Variants in RFX8 observed in about 807,000 individuals in gnomAD.
RFX8 encodes regulatory factor X8, also known as DNA-binding protein RFX8.
RFX8 carries 46 observed loss-of-function variants against 54.6 expected under a neutral mutation model. The observed-to-expected ratio is 0.84, with a 90% CI of 0.67 to 1.08. The LOEUF (loss-of-function observed/expected upper bound fraction) is 1.08, where lower values mean the gene tolerates loss of function less well. Ranked by LOEUF, RFX8 falls within the 50% of genes least tolerant of loss-of-function variation. RFX8 has a pLI of 0.00. For synonymous variants in RFX8, 192 were observed against 209.5 expected (o/e 0.92, Z 0.72); for missense variants, 536 against 562.3 (o/e 0.95, Z 0.47).
chr2:101,412,641 A>G (rs1196400086), intron 8 of RFX8, among the ~76,000 whole-genome samples: 1 of 152,186 alleles, frequency 6.6e-6, no homozygotes, highest in Non-Finnish European at 1.5e-5. Flanking sequence ...GTCAAGCAGC[A>G]AGCACACTCA....
At chr2:101,433,436 G>A (rs1007747089) in intron 2 of RFX8, among the ~76,000 whole-genome samples, 4 of 152,156 alleles carry the variant, frequency 2.6e-5, no homozygotes, top group Non-Finnish European at 5.9e-5. Context: ...TAATTTTTAT[G>A]ATCAATTTGT....
intron 2 of RFX8, among the ~76,000 whole-genome samples, chr2:101,457,886 G>A (rs943642605): frequency 1.3e-5 from 2 of 152,064 alleles, no homozygotes; most frequent in African/African-American, 4.8e-5. Context: ...TATGAATCTG[G>A]GTGCTCCTGT....
chr2:101,471,177 T>C (rs1689965561), intron 1 of RFX8, among the ~76,000 whole-genome samples: 1 of 151,420 alleles, frequency 6.6e-6, no homozygotes, highest in Non-Finnish European at 1.5e-5. Context: ...CTACGAAAAA[T>C]ACAAAAATTA....
At chr2:101,463,366 C>G (rs1036639006) in intron 2 of RFX8, among the ~76,000 whole-genome samples, 12 of 152,176 alleles carry the variant, frequency 7.9e-5, no homozygotes, top group South Asian at 2.1e-4. Context: ...CTGAGTCACT[C>G]AAAGAGAGGC....
intron 2 of RFX8, among the ~76,000 whole-genome samples, chr2:101,426,445 G>A (rs1687173344): frequency 6.6e-6 from 1 of 152,186 alleles, no homozygotes; most frequent in Non-Finnish European, 1.5e-5. Context: ...CTTGAGCCTA[G>A]AAGTTGGAGA....
At chr2:101,422,607 G>T in intron 2 of RFX8, 135 bp from the exon 3 acceptor site, 1 of 579,344 alleles carries the variant, frequency 1.7e-6, no homozygotes, top group South Asian at 2.4e-5. Context: ...ACACATTACT[G>T]ATTCCAGCAG....
In RFX8 at chr2:101,406,009, G is replaced by T; in HGVS notation, c.862C>A (p.Leu288Met). ...GCAGTGAGAAGAAGATTCCATCTCA[G>T]CTGGAAGCTGGCGGCCAATTTGGTA... Reference protein sequence around the residue: ...EFTKLAASFQLRWNLLLTAVS... With the variant: ...EFTKLAASFQMRWNLLLTAVS... Residue 288 changes from leucine (L) to methionine (M), a missense_variant, in exon 10 of 12, where the codon CTG (leucine) becomes ATG (methionine). Coordinates refer to ENST00000428343, the MANE Select transcript of RFX8 (RefSeq NM_001145664.2). 3 of 1,548,932 alleles carry T rather than the reference G, an allele frequency of 1.9e-6. No homozygotes were observed. The South Asian group carries it at 3.6e-5, about 19-fold the overall frequency.
At chr2:101,413,654 C>A (rs867998148) in intron 7 of RFX8, among the ~76,000 whole-genome samples, 16 of 152,038 alleles carry the variant, frequency 1.1e-4, no homozygotes, top group African/African-American at 3.1e-4. Flanking sequence ...GCTCTTGGGG[C>A]GTGAAGTAAC....
chr2:101,444,149 G>T (rs1182643079), intron 2 of RFX8, among the ~76,000 whole-genome samples: 3 of 152,142 alleles, frequency 2.0e-5, no homozygotes, highest in African/African-American at 7.2e-5. Flanking sequence ...TACACCAAGG[G>T]GCATAAGGAG....
Position 101,417,619 on chromosome 2 carries a change from C to G in RFX8, c.417G>C (p.Val139=). 6.4e-7 allele frequency: 1 copy of G among 1,551,382 alleles called. No homozygotes were observed. The highest frequency in any genetic ancestry group is 1.2e-5 in the South Asian group (1 of 83,980). Residue 139 remains valine, a synonymous_variant, in exon 6 of 12, where the codon GTG becomes GTC. Transcript: ENST00000428343. ...EDVSIQYLKS[V]QLFSKKFKLW... is the part of the protein sequence containing the mutation. ...GCTTAAATTTCTTACTAAATAACTGCACAGATTTCAGGTACTGAATAGAAA... is the reference window on the plus strand; with the variant it reads ...GCTTAAATTTCTTACTAAATAACTGGACAGATTTCAGGTACTGAATAGAAA...
At chr2:101,452,564 TA>T (rs1688742483) in intron 2 of RFX8, 3 of 410,812 alleles carry the variant, frequency 7.3e-6, no homozygotes, top group African/African-American at 6.2e-5. Flanking sequence ...AAGCAAACAA[TA>T]AAGAAAATAA....
Position 101,417,584 on chromosome 2 carries a change from A to C in RFX8, c.452T>G (p.Leu151Arg), listed in dbSNP as rs1303847206. The C allele has an allele frequency of 6.4e-7, 1 of 1,551,932 alleles. No individual in the cohort carries two copies. The highest frequency in any genetic ancestry group is 1.4e-5 in the African/African-American group (1 of 73,180). The change falls in exon 6 of 12, where the codon CTT (leucine) becomes CGT (arginine). Residue 151 changes from leucine to arginine, a missense_variant. Leu to Arg is a moderately radical substitution (Grantham distance 102, BLOSUM62 -2). Coordinates refer to ENST00000428343, the MANE Select transcript of RFX8 (RefSeq NM_001145664.2). ...GGCTGGAACACCTTCCAAAGCATTA[A>C]GGAGCCACAGCTTAAATTTCTTACT... ...LFSKKFKLWL[L>R]NALEGVPALL... is the part of the protein sequence containing the mutation.
rs1450084750 is a variant in RFX8, at chr2:101,438,037, CTCTT to C, written c.73-15569_73-15566del. 3.1e-3 allele frequency among the ~76,000 whole-genome samples: 474 copies of C among 151,582 alleles called. 2 individuals carry two copies. The highest frequency in any genetic ancestry group is 0.01 in the Middle Eastern group (3 of 294). On this transcript the variant is annotated intron_variant, in intron 2 of 11. Coordinates refer to ENST00000428343, the MANE Select transcript of RFX8 (RefSeq NM_001145664.2). ...CAAGTTGTGTGTCAATAGTTTGTTC[CTCTT>C]TTTTTTTAATTTTAATTTTTGTGGG...
At chr2:101,410,396 C>T (rs1048557894) in intron 9 of RFX8, among the ~76,000 whole-genome samples, 149 of 113,262 alleles carry the variant, frequency 1.3e-3, no homozygotes, top group African/African-American at 4.4e-3. Context: ...CACACTCACA[C>T]ACACACACAC....
intron 2 of RFX8, 25 bp from the exon 3 acceptor site, chr2:101,422,497 T>C: frequency 3.0e-6 from 4 of 1,313,090 alleles, no homozygotes; most frequent in Non-Finnish European, 4.3e-6. Flanking sequence ...TGCAATGGAT[T>C]ATGTCTTTAA....
At chr2:101,442,793 G>T (rs991549202) in intron 2 of RFX8, among the ~76,000 whole-genome samples, 3 of 152,084 alleles carry the variant, frequency 2.0e-5, no homozygotes, top group Admixed American at 6.5e-5. Flanking sequence ...AGGGAGAAGG[G>T]TTTCCCCAGG....
At chr2:101,415,984 G>A (rs1030324801) in intron 6 of RFX8, among the ~76,000 whole-genome samples, 3 of 152,244 alleles carry the variant, frequency 2.0e-5, no homozygotes, top group Non-Finnish European at 4.4e-5. Flanking sequence ...CTTTTCTGGG[G>A]ACAGCCTGTC....
chr2:101,408,107 G>T (rs1685852442), intron 9 of RFX8, among the ~76,000 whole-genome samples: 1 of 152,206 alleles, frequency 6.6e-6, no homozygotes, highest in South Asian at 2.1e-4. Flanking sequence ...CAACGATGGA[G>T]ACTTGGGAAA....
At chr2:101,428,846 T>C in intron 2 of RFX8, 2 of 697,830 alleles carry the variant, frequency 2.9e-6, no homozygotes, top group Non-Finnish European at 2.5e-6. Flanking sequence ...GGTTAGGGGC[T>C]ACCTAGAGTC....
Sources: allele counts gnomAD v4.1 joint callset (sites outside exome capture counted in the v4.1 genomes callset), GRCh38; gene constraint gnomAD v4.1.1; transcripts MANE v1.5; gene names NCBI Gene and HGNC (gene_info 2026-07-23, HGNC 2026-07-21).